AWAT1: variants seen among roughly 807,000 people sequenced by gnomAD.
The protein encoded by AWAT1 is acyl-CoA wax alcohol acyltransferase 1.
Under a neutral mutation model 21.6 loss-of-function variants are expected in AWAT1, and 26 were observed. The ratio of observed to expected loss-of-function variants is 1.20; its 90% CI spans 0.88 to 1.67. AWAT1 has a LOEUF of 1.67. AWAT1 is among the 40% of genes most tolerant of loss of function. AWAT1 has a pLI of 0.00. For missense variants in AWAT1, 264 were observed against 249.4 expected, an observed-to-expected ratio of 1.06 and a Z score of -0.39; for synonymous variants, 102 against 99.3, an observed-to-expected ratio of 1.03 and a Z score of -0.16.
In AWAT1 at chrX:70,238,319, C is replaced by T; in HGVS notation, c.568C>T (p.Pro190Ser). 2.5e-6 allele frequency: 3 copies of T among 1,209,389 alleles called. No individual in the cohort carries two copies. The highest frequency in any genetic ancestry group is 3.4e-6 in the Non-Finnish European group (3 of 893,851). ...TGTGGGTGAGGCCCTGCAAAGTGTG[C>T]CCAACACCACCACCCTCATCCTCCA... ...GGVGEALQSV[P>S]NTTTLILQKR... The change falls in exon 5 of 7, where the codon CCC becomes TCC. Residue 190 changes from proline to serine, a missense_variant. Coordinates refer to ENST00000374521, the MANE Select transcript of AWAT1 (RefSeq NM_001013579.3).
At position 70,235,841 on chromosome X, in the gene AWAT1, A is replaced by T; in HGVS notation, c.184+18A>T. On this transcript the variant is annotated intron_variant, in intron 2 of 6. Coordinates refer to ENST00000374521, the MANE Select transcript of AWAT1 (RefSeq NM_001013579.3). ...AGAGCGAGGTAAGACTCACAGACCTAGAAAGAAGAATGTTCCATCATAACC... is the reference window on the plus strand; with the variant it reads ...AGAGCGAGGTAAGACTCACAGACCTTGAAAGAAGAATGTTCCATCATAACC... 8.7e-7 allele frequency: 1 copy of T among 1,151,027 alleles called. No homozygotes were observed. Among genetic ancestry groups the T allele is most frequent in the South Asian group, 1.8e-5 (1 of 55,573 alleles). 94.9% of individuals were successfully genotyped at this position (1,151,027 alleles called of 1,213,427 possible).
At chrX:70,236,679 G>A (rs1429438554) in intron 3 of AWAT1, among the ~76,000 whole-genome samples, 1 of 111,552 alleles carries the variant, frequency 9.0e-6, no homozygotes, top group Non-Finnish European at 1.9e-5. Flanking sequence ...GTACTGTTAT[G>A]CTGATCCTCA....
intron 4 of AWAT1, 114 bp downstream of exon 4, chrX:70,237,362 T>A: frequency 3.0e-6 from 2 of 668,877 alleles, no homozygotes; most frequent in Non-Finnish European, 4.5e-6. Context: ...TATGGCATAG[T>A]AGTCAAAAGC....
intron 2 of AWAT1, 68 bp from the exon 3 acceptor site, chrX:70,236,001 C>A: frequency 9.9e-7 from 1 of 1,012,829 alleles, no homozygotes; most frequent in African/African-American, 1.9e-5. Flanking sequence ...GCTAGGGAAT[C>A]CCTGAGTCCG....
At position 70,240,219 on chromosome X, in the gene AWAT1, C is replaced by A. The variant is rs1246582217; in HGVS notation, c.916C>A (p.Leu306Met). The A allele has an allele frequency of 8.3e-7, 1 of 1,211,354 alleles. No homozygotes were observed. Reference sequence around the variant, plus strand: ...ATACCATGCACTTTATATGGATGCTCTGCACAAACTGTTCGACCAGCATAA... The same window carrying A: ...ATACCATGCACTTTATATGGATGCTATGCACAAACTGTTCGACCAGCATAA... ...DKYHALYMDA[L>M]HKLFDQHKTH... The change falls in exon 7 of 7, where the codon CTG becomes ATG. Residue 306 changes from leucine (L) to methionine (M), a missense_variant. Physicochemically the swap from Leu to Met is conservative, Grantham distance 15. Coordinates refer to ENST00000374521, the MANE Select transcript of AWAT1 (RefSeq NM_001013579.3).
In AWAT1 at chrX:70,237,232, G is replaced by T. The variant is rs747763163; in HGVS notation, c.444G>T (p.Glu148Asp). 3 of 1,206,227 alleles carry T rather than the reference G, an allele frequency of 2.5e-6. No individual in the cohort carries two copies. The Admixed American group carries it at 6.6e-5, about 26-fold the overall frequency. The change falls in exon 4 of 7, where the codon GAG becomes GAT. Residue 148 changes from glutamate to aspartate, a missense_variant. Coordinates refer to ENST00000374521, the MANE Select transcript of AWAT1 (RefSeq NM_001013579.3). ...SWFFKIPFVR[E>D]YLMAKGVCSV... ...TCTTCAAGATCCCCTTTGTTAGGGA[G>T]TACCTCATGGCCAAAGGTGCTTCTG... is the stretch of plus-strand genomic sequence containing the variant.
chrX:70,240,177 C>G lies in AWAT1; in HGVS notation c.874C>G (p.Gln292Glu). Residue 292 changes from glutamine to glutamate, a missense_variant, in exon 7 of 7, where the codon CAG (glutamine) becomes GAG (glutamate). By Grantham distance (29) the Gln-to-Glu change is conservative. Transcript: ENST00000374521. The part of the protein sequence containing the change: ...LPLPQIEKPS[Q>E]EMVDKYHALY... ...ACTGCCCCAAATTGAAAAGCCAAGC[C>G]AGGAGATGGTGGACAAATACCATGC... 1 of 1,211,593 alleles carries G rather than the reference C, an allele frequency of 8.3e-7. No individual in the cohort carries two copies. Among genetic ancestry groups the G allele is most frequent in the Non-Finnish European group, 1.1e-6 (1 of 895,282 alleles).
intron 5 of AWAT1, 107 bp downstream of exon 5, chrX:70,238,490 C>CA: frequency 1.1e-6 from 1 of 871,288 alleles, no homozygotes; most frequent in Non-Finnish European, 1.5e-6. Flanking sequence ...AAGGAACATA[C>CA]TACCAAGTAA....
rs1417343750 is a variant in AWAT1, at chrX:70,240,377, G to A, written c.*87G>A. ...CACTAACCAAAGACAGGCAGGAGAT[G>A]AGGGAGGTTATATGTGGTAGGGGAG... On this transcript the variant is annotated 3_prime_UTR_variant, in exon 7 of 7. Transcript: ENST00000374521. 1 of 1,028,417 alleles carries A rather than the reference G, an allele frequency of 9.7e-7. No homozygotes were observed. The highest frequency in any genetic ancestry group is 3.0e-5 in the East Asian group (1 of 32,788). The allele number at this position is 1,028,417 out of a possible 1,213,427, so 84.8% of individuals were successfully genotyped here. A position where few individuals can be genotyped will look rare whatever the true frequency, so the allele number is the denominator to read the frequency against.
chrX:70,240,358 C>T lies in AWAT1; in HGVS notation c.*68C>T. On this transcript the variant is annotated 3_prime_UTR_variant, in exon 7 of 7. Transcript: ENST00000374521. ...GAAGAAGAGACTCATCTGCCACTAA[C>T]CAAAGACAGGCAGGAGATGAGGGAG... The T allele has an allele frequency of 4.6e-6, 5 of 1,094,995 alleles. No individual in the cohort carries two copies. Among genetic ancestry groups the T allele is most frequent in the Non-Finnish European group, 5.0e-6 (4 of 804,447 alleles). The allele number at this position is 1,094,995 out of a possible 1,213,427, so 90.2% of individuals were successfully genotyped here.
chrX:70,237,932 A>C (rs2085521934), intron 4 of AWAT1, among the ~76,000 whole-genome samples: 1 of 108,853 alleles, frequency 9.2e-6, no homozygotes, highest in African/African-American at 3.3e-5. Flanking sequence ...AAAAAAAAAA[A>C]AGGTACCATT....
At chrX:70,236,237 C>A in intron 3 of AWAT1, 98 bp downstream of exon 3, 1 of 703,133 alleles carries the variant, frequency 1.4e-6, no homozygotes, top group Non-Finnish European at 2.2e-6. Flanking sequence ...ATAAGTATCC[C>A]AGGGAAGTCT....
intron 1 of AWAT1, among the ~76,000 whole-genome samples, chrX:70,235,270 A>T (rs1172305419): frequency 9.0e-6 from 1 of 111,138 alleles, no homozygotes; most frequent in African/African-American, 3.3e-5. Flanking sequence ...AGCATAGTGG[A>T]TAGGAAATAC....
rs771976759 is a variant in AWAT1, at chrX:70,239,912, C to A, written c.810C>A (p.Tyr270Ter). ...AAGGCTCCACTGGGCTCCTGCCATA[C>A]TCCAGGCCTATTGTCACTGTGGGTG... Reference protein sequence around the residue: ...FCQGSTGLLPYSRPIVTVVGE... With the variant: ...FCQGSTGLLP Residue 270 changes from tyrosine to a stop codon, truncating the protein, a stop_gained, in exon 6 of 7, where the codon TAC (tyrosine) becomes TAA (stop). Transcript: ENST00000374521. LOFTEE classifies it low-confidence loss of function (END_TRUNC). 1 of 1,210,259 alleles carries A rather than the reference C, an allele frequency of 8.3e-7. No individual in the cohort carries two copies. Among genetic ancestry groups the A allele is most frequent in the South Asian group, 1.8e-5 (1 of 56,916 alleles).
chrX:70,234,835 G>A, intron 1 of AWAT1, 64 bp downstream of exon 1: 2 of 1,006,920 alleles, frequency 2.0e-6, no homozygotes, highest in South Asian at 1.9e-5. Flanking sequence ...CAGATCTAGG[G>A]TGACTTTTAG....
chrX:70,234,991 C>G (rs372835631), intron 1 of AWAT1, among the ~76,000 whole-genome samples: 2 of 103,889 alleles, frequency 1.9e-5, no homozygotes, highest in South Asian at 4.5e-4. Context: ...TGGGAGGGGG[C>G]GGGGGGTGGA....
In AWAT1 at chrX:70,235,801, G is replaced by A. The variant is rs780212049; in HGVS notation, c.162G>A (p.Leu54=). 8.3e-7 allele frequency: 1 copy of A among 1,204,825 alleles called. No homozygotes were observed. The highest frequency in any genetic ancestry group is 1.1e-6 in the Non-Finnish European group (1 of 891,079). ...TGCTTTACTTTGCCTGGTTGTTCCT[G>A]GACTGGAAGACCCCAGAGCGAGGTA... ...LPVLYFAWLF[L]DWKTPERGGR... is the part of the protein sequence containing the mutation. Residue 54 remains leucine (L), a synonymous_variant, in exon 2 of 7, where the codon CTG becomes CTA. Transcript: ENST00000374521.
At chrX:70,237,886 T>A in intron 4 of AWAT1, among the ~76,000 whole-genome samples, 1 of 77,996 alleles carries the variant, frequency 1.3e-5, no homozygotes, top group Non-Finnish European at 2.5e-5. Flanking sequence ...CCACAGAGTA[T>A]ATCCTCAATA....
At chrX:70,237,320 T>TC in intron 4 of AWAT1, 72 bp downstream of exon 4, 2 of 923,935 alleles carry the variant, frequency 2.2e-6, no homozygotes, top group Non-Finnish European at 3.0e-6. Context: ...TTAAATTCCA[T>TC]CCCCTCCTCC....
Sources: gnomAD v4.1 joint callset for allele counts (sites outside exome capture counted in the v4.1 genomes callset) on GRCh38, gnomAD v4.1.1 for gene constraint, MANE v1.5 for transcripts, NCBI Gene and HGNC (gene_info 2026-07-23, HGNC 2026-07-21) for gene names.